Variants in FBXW8 observed in about 807,000 individuals in gnomAD.
FBXW8 encodes the protein F-box/WD repeat-containing protein 8.
Under a neutral mutation model 65.3 loss-of-function variants are expected in FBXW8, and 57 were observed. The ratio of observed to expected loss-of-function variants is 0.87; its 90% confidence interval spans 0.71 to 1.09. The LOEUF is 1.09. Ranked by LOEUF, FBXW8 falls within the 50% of genes least tolerant of loss-of-function variation. The probability of loss-of-function intolerance (pLI) is 0.00; values close to 1 mark genes in which losing one functional copy is unlikely to be tolerated. For missense variants in FBXW8, 777 were observed against 814.8 expected (o/e 0.95, Z 0.57); for synonymous variants, 308 against 330.2 (o/e 0.93, Z 0.73).
intron 5 of FBXW8, 28 bp from the exon 6 acceptor site, chr12:116,985,178 G>T (rs1439304174): frequency 1.8e-5 from 27 of 1,538,296 alleles, no homozygotes; most frequent in African/African-American, 1.1e-4. Context: ...ATTTAAAATT[G>T]TTACCTGCAT....
chr12:116,934,658 T>C (rs1429619632), intron 2 of FBXW8, among the ~76,000 whole-genome samples: 1 of 152,138 alleles, frequency 6.6e-6, no homozygotes, highest in East Asian at 1.9e-4. Context: ...TCATAGGAAG[T>C]TGCAAAAAAT....
At chr12:116,982,253 C>CTTTAAACATATAAAGACACTTTA in intron 5 of FBXW8, among the ~76,000 whole-genome samples, 1 of 152,248 alleles carries the variant, frequency 6.6e-6, no homozygotes, top group East Asian at 1.9e-4. Flanking sequence ...TACATGCTGT[C>CTTTAAACATATAAAGACACTTTA]TATGGAAAAC....
At chr12:116,974,469 C>G (rs1592908534) in intron 5 of FBXW8, among the ~76,000 whole-genome samples, 1 of 152,160 alleles carries the variant, frequency 6.6e-6, no homozygotes, top group Non-Finnish European at 1.5e-5. Flanking sequence ...CTAAAAGCTG[C>G]TCGGGATCCC....
At chr12:116,925,856 C>T (rs1187305321) in intron 1 of FBXW8, among the ~76,000 whole-genome samples, 1 of 152,152 alleles carries the variant, frequency 6.6e-6, no homozygotes, top group Non-Finnish European at 1.5e-5. Context: ...TGAGAAAGCA[C>T]AGATGCACTT....
In FBXW8 at chr12:117,001,410, G is replaced by C. The variant is rs112052996; in HGVS notation, c.1240-8913G>C. ...TTTGGGCCAAACTAGAAGTTGCCAG[G>C]CTAGTCAAAAGAAAATCGATAACCA... On this transcript the variant is annotated intron_variant, in intron 7 of 10. Transcript: ENST00000652555. Among the ~76,000 whole-genome samples the C allele has an allele frequency of 3.1e-3, 479 of 152,232 alleles. 4 individuals carry two copies. Among genetic ancestry groups the C allele is most frequent in the African/African-American group, 0.011 (455 of 41,516 alleles).
At chr12:116,988,137 C>T (rs1953141711) in intron 6 of FBXW8, among the ~76,000 whole-genome samples, 1 of 152,218 alleles carries the variant, frequency 6.6e-6, no homozygotes, top group Non-Finnish European at 1.5e-5. Context: ...TTAGCTAAGA[C>T]ACAATTGTAC....
At chr12:116,993,356 C>T (rs1388170163) in intron 7 of FBXW8, among the ~76,000 whole-genome samples, 1 of 152,110 alleles carries the variant, frequency 6.6e-6, no homozygotes, top group Non-Finnish European at 1.5e-5. Flanking sequence ...CCTGCCTTGG[C>T]TTCTCAAAGT....
chr12:116,964,970 CAT>C (rs1280318122), intron 5 of FBXW8, 116 bp downstream of exon 5: 3 of 1,003,744 alleles, frequency 3.0e-6, no homozygotes, highest in Non-Finnish European at 4.3e-6. Flanking sequence ...GGCACACACA[CAT>C]GTTCACACAC....
At chr12:116,940,626 G>A (rs748378970) in intron 2 of FBXW8, among the ~76,000 whole-genome samples, 1 of 151,918 alleles carries the variant, frequency 6.6e-6, no homozygotes, top group Non-Finnish European at 1.5e-5. Context: ...AAGCTGATTA[G>A]CAATCTTTTC....
intron 7 of FBXW8, among the ~76,000 whole-genome samples, chr12:116,994,582 C>T (rs1049986096): frequency 6.6e-6 from 1 of 152,152 alleles, no homozygotes; most frequent in Admixed American, 6.5e-5. Flanking sequence ...ATCAAATTAC[C>T]ATATGTGGTC....
At chr12:116,951,015 C>T (rs986805853) in intron 4 of FBXW8, 2 of 152,214 alleles carry the variant, frequency 1.3e-5, no homozygotes, top group Non-Finnish European at 2.9e-5. Flanking sequence ...AGAGCCTTGA[C>T]TCTCAAAGCC....
intron 5 of FBXW8, chr12:116,978,314 A>G (rs951271485): frequency 2.0e-5 from 3 of 152,134 alleles, no homozygotes; most frequent in Admixed American, 1.3e-4. Context: ...GTCCAACTTT[A>G]TGCTAGTTTT....
intron 4 of FBXW8, among the ~76,000 whole-genome samples, chr12:116,952,113 T>C (rs1432213587): frequency 6.6e-6 from 1 of 152,246 alleles, no homozygotes; most frequent in Non-Finnish European, 1.5e-5. Flanking sequence ...TTCTATTTAG[T>C]TACCTCTGAC....
At position 117,028,092 on chromosome 12, in the gene FBXW8, C is replaced by T. The variant is rs768580987; in HGVS notation, c.1717C>T (p.Pro573Ser). 6 of 1,614,068 alleles carry T rather than the reference C, an allele frequency of 3.7e-6. No individual in the cohort carries two copies. In the African/African-American group the frequency reaches 6.7e-5, roughly 18 times the overall value. ...VDQLAFQSPL[P>S]VCRSSCDAMA... ...CCAGCTGGCCTTCCAGAGCCCTCTCCCTGTCTGCCGTTCATCCTGTGACGC... is the reference window on the plus strand; with the variant it reads ...CCAGCTGGCCTTCCAGAGCCCTCTCTCTGTCTGCCGTTCATCCTGTGACGC... Residue 573 changes from proline (P) to serine (S), a missense_variant, in exon 11 of 11, where the codon CCT becomes TCT. Physicochemically the swap from Pro to Ser is moderately conservative, Grantham distance 74. Coordinates refer to ENST00000652555, the MANE Select transcript of FBXW8 (RefSeq NM_153348.3). This position sits in a 1 kb window ranked among gnomAD's most constrained non-coding sequence, Gnocchi z 4.1.
At chr12:116,923,516 A>C (rs1476535895) in intron 1 of FBXW8, among the ~76,000 whole-genome samples, 1 of 150,832 alleles carries the variant, frequency 6.6e-6, no homozygotes. Flanking sequence ...CTGCAAAATT[A>C]TTTTCTTTTT....
intron 1 of FBXW8, among the ~76,000 whole-genome samples, chr12:116,917,009 A>G (rs1305906828): frequency 1.3e-5 from 2 of 152,184 alleles, no homozygotes; most frequent in South Asian, 2.1e-4. Context: ...TTACAAGAGC[A>G]GCAAGAGGGC....
chr12:116,992,246 G>A (rs1953259301), intron 7 of FBXW8, among the ~76,000 whole-genome samples: 1 of 152,174 alleles, frequency 6.6e-6, no homozygotes, highest in Non-Finnish European at 1.5e-5. Context: ...GGATCAGACA[G>A]TCTGGGCCCT....
rs575450994 is a variant in FBXW8 at position 117,024,066 on chromosome 12, G to A, written c.1368-81G>A. 1.1e-5 allele frequency: 16 copies of A among 1,469,304 alleles called. No homozygotes were observed. The East Asian group carries it at 3.4e-4, about 31-fold the overall frequency. The allele number at this position is 1,469,304 out of a possible 1,614,324, so 91.0% of individuals were successfully genotyped here. On this transcript the variant is annotated intron_variant, in intron 8 of 10. Transcript: ENST00000652555. Reference sequence around the variant, plus strand: ...TCATAGCAGTGTTGTGCATAGACCAGCACCGTGGAGGGGGAGTTTGTCATT... The same window carrying A: ...TCATAGCAGTGTTGTGCATAGACCAACACCGTGGAGGGGGAGTTTGTCATT...
intron 4 of FBXW8, 64 bp downstream of exon 4, chr12:116,949,770 C>G: frequency 7.0e-7 from 1 of 1,419,392 alleles, no homozygotes; most frequent in Non-Finnish European, 1.0e-6. Context: ...CTCATACCAC[C>G]CTCTGAGTAC....
Sources: gnomAD v4.1 joint callset for allele counts (sites outside exome capture counted in the v4.1 genomes callset) on GRCh38, gnomAD v4.1.1 for gene constraint, Gnocchi (gnomAD v3.1) non-coding constraint, MANE v1.5 for transcripts, NCBI Gene and HGNC (gene_info 2026-07-23, HGNC 2026-07-21) for gene names.